Variants in TFRC observed in about 807,000 individuals in gnomAD.
TFRC encodes transferrin receptor.
Under a neutral mutation model 85.8 loss-of-function variants are expected in TFRC, and 35 were observed. The ratio of observed to expected loss-of-function variants is 0.41; its 90% CI spans 0.31 to 0.54. TFRC has a LOEUF of 0.54. Ranked by LOEUF, TFRC falls within the 20% of genes least tolerant of loss-of-function variation. The pLI, the probability that TFRC is intolerant of heterozygous loss-of-function variation, is 0.31. For synonymous variants in TFRC, 362 were observed against 328.6 expected, an observed-to-expected ratio of 1.10 and a Z score of -1.10; for missense variants, 828 against 921.5, an observed-to-expected ratio of 0.90 and a Z score of 1.31.
intron 1 of TFRC, among the ~76,000 whole-genome samples, chr3:196,081,260 T>C (rs1719146734): frequency 6.6e-6 from 1 of 152,304 alleles, no homozygotes; most frequent in South Asian, 2.1e-4. Context: ...ATATTCTTAA[T>C]GTGAACACCT....
chr3:196,071,939 C>T (rs539823525), intron 5 of TFRC, 64 bp downstream of exon 5: 3 of 1,550,812 alleles, frequency 1.9e-6, no homozygotes, highest in Non-Finnish European at 2.6e-6. Context: ...AAAGTCTTTG[C>T]TATATTTAGC....
chr3:196,071,570 T>G, intron 5 of TFRC, 72 bp from the exon 6 acceptor site: 1 of 1,408,080 alleles, frequency 7.1e-7, no homozygotes, highest in Non-Finnish European at 1.0e-6. Context: ...ACATTTAGTA[T>G]GTCTTGCATT....
Position 196,055,248 on chromosome 3 carries a change from A to T in TFRC, c.1731T>A (p.Ile577=), listed in dbSNP as rs774620337. The change falls in exon 17 of 19, where the codon ATT becomes ATA. Residue 577 remains isoleucine, a synonymous_variant. Coordinates refer to ENST00000360110, the MANE Select transcript of TFRC (RefSeq NM_001128148.3). ...CTTTGTTCAACTCAGGAATCCTCTC[A>T]ATCAGTTCCTTATAGGTGTCCATGG... is the stretch of plus-strand genomic sequence containing the variant. The part of the protein sequence containing the change: ...GTTMDTYKEL[I]ERIPELNKVA... The T allele has an allele frequency of 1.9e-6, 3 of 1,614,178 alleles. No homozygotes were observed. The highest frequency in any genetic ancestry group is 2.5e-6 in the Non-Finnish European group (3 of 1,180,020).
chr3:196,073,174 C>T (rs748501857), intron 4 of TFRC, among the ~76,000 whole-genome samples: 13 of 151,264 alleles, frequency 8.6e-5, no homozygotes, highest in South Asian at 4.2e-4. Flanking sequence ...GAGCTGAAAT[C>T]GTGCCACTGC....
chr3:196,069,357 G>T (rs1009564519), intron 7 of TFRC, 98 bp downstream of exon 7: 2 of 748,496 alleles, frequency 2.7e-6, no homozygotes, highest in Non-Finnish European at 2.2e-6. Context: ...TAAGATTGCT[G>T]ATTTTCAGAA....
rs572790943 is a variant in TFRC, at chr3:196,079,470, C to T, written c.-23-2348G>A. Among the ~76,000 whole-genome samples, 15 of 152,132 alleles carry T rather than the reference C, an allele frequency of 9.9e-5. No individual in the cohort carries two copies. The South Asian group carries it at 1.2e-3, about 13-fold the overall frequency. ...TCTACCAAAAAAATACAAAATTAGC[C>T]GGGCATGGTGGCGCATGCCTGTAAT... On this transcript the variant is annotated intron_variant, in intron 1 of 18. Transcript: ENST00000360110.
chr3:196,062,612 T>C lies in TFRC; in HGVS notation c.1438A>G (p.Thr480Ala). The C allele has an allele frequency of 6.2e-7, 1 of 1,609,536 alleles. No individual in the cohort carries two copies. ...YLSSLHLKAF[T>A]YINLDKAVLG... Reference sequence around the variant, plus strand: ...ACCGCTTTATCCAGATTAATATAAGTGAAAGCCTTTAAATGCAGGGACGAA... The same window carrying C: ...ACCGCTTTATCCAGATTAATATAAGCGAAAGCCTTTAAATGCAGGGACGAA... Residue 480 changes from threonine (T) to alanine (A), a missense_variant, in exon 13 of 19, where the codon ACT becomes GCT. Coordinates refer to ENST00000360110, the MANE Select transcript of TFRC (RefSeq NM_001128148.3).
intron 1 of TFRC, among the ~76,000 whole-genome samples, chr3:196,081,039 G>C (rs1217798777): frequency 6.6e-6 from 1 of 152,154 alleles, no homozygotes; most frequent in Non-Finnish European, 1.5e-5. Context: ...GTAAGCAGAG[G>C]GAAAGCGTTA....
intron 7 of TFRC, among the ~76,000 whole-genome samples, 184 bp downstream of exon 7, chr3:196,069,271 C>A (rs1717994540): frequency 6.6e-6 from 1 of 152,118 alleles, no homozygotes; most frequent in African/African-American, 2.4e-5. Flanking sequence ...TTCACTTAAG[C>A]ACTTCTGATT....
Position 196,065,575 on chromosome 3 carries a change from C to G in TFRC, c.1066G>C (p.Asp356His), listed in dbSNP as rs1404858455. 7 of 1,608,580 alleles carry G rather than the reference C, an allele frequency of 4.4e-6. No individual in the cohort carries two copies. The highest frequency in any genetic ancestry group is 5.1e-6 in the Non-Finnish European group (6 of 1,178,728). Residue 356 changes from aspartate to histidine, a missense_variant, in exon 10 of 19, where the codon GAC becomes CAC. Asp to His is a moderately conservative substitution (Grantham distance 81, BLOSUM62 -1). Coordinates refer to ENST00000360110, the MANE Select transcript of TFRC (RefSeq NM_001128148.3). ...FGNMEGDCPS[D>H]WKTDSTCRMV... is the part of the protein sequence containing the mutation. ...CTACATGTAGAGTCTGTTTTCCAGT[C>G]AGAGGGACAGTCTCCTTCCATATTC...
chr3:196,058,220 CA>C, intron 16 of TFRC, 63 bp downstream of exon 16: 1 of 1,398,404 alleles, frequency 7.2e-7, no homozygotes, highest in Non-Finnish European at 1.0e-6. Context: ...GCCCTATTCC[CA>C]AATACAGATC....
intron 16 of TFRC, among the ~76,000 whole-genome samples, chr3:196,057,474 C>T (rs542639731): frequency 6.6e-6 from 1 of 152,240 alleles, no homozygotes; most frequent in South Asian, 2.1e-4. Flanking sequence ...AGCTCCCAGC[C>T]AAATAAAGCC....
chr3:196,055,342 A>C, intron 16 of TFRC, 41 bp from the exon 17 acceptor site: 1 of 1,533,230 alleles, frequency 6.5e-7, no homozygotes, highest in Middle Eastern at 1.7e-4. Flanking sequence ...CGTGAGTTCT[A>C]AGAGCAAGAG....
At chr3:196,054,407 C>CA (rs1160849553) in intron 17 of TFRC, among the ~76,000 whole-genome samples, 12 of 149,500 alleles carry the variant, frequency 8.0e-5, no homozygotes, top group South Asian at 2.1e-4. Context: ...CTTCATCTCT[C>CA]AAAAAAAATA....
chr3:196,069,669 C>T (rs1218536809), intron 6 of TFRC, 101 bp from the exon 7 acceptor site: 16 of 658,790 alleles, frequency 2.4e-5, no homozygotes, highest in South Asian at 5.1e-5. Context: ...GACAGGCAAC[C>T]CAAGTAAGAG....
chr3:196,054,030 A>G (rs1019647494), intron 17 of TFRC, among the ~76,000 whole-genome samples: 1 of 152,188 alleles, frequency 6.6e-6, no homozygotes, highest in African/African-American at 2.4e-5. Flanking sequence ...TGAGGTCAGG[A>G]GTTCAAGACC....
At chr3:196,057,184 C>T (rs1311634435) in intron 16 of TFRC, among the ~76,000 whole-genome samples, 4 of 152,212 alleles carry the variant, frequency 2.6e-5, no homozygotes, top group Non-Finnish European at 1.5e-5. Context: ...AGGTGGACAG[C>T]CCAGCGCTGC....
chr3:196,077,244 G>T, intron 1 of TFRC, 122 bp from the exon 2 acceptor site: 1 of 640,430 alleles, frequency 1.6e-6, no homozygotes, highest in Non-Finnish European at 2.7e-6. Context: ...TCTAGAAAAG[G>T]TATTTAACCA....
At chr3:196,056,601 C>T (rs1716815525) in intron 16 of TFRC, among the ~76,000 whole-genome samples, 1 of 151,880 alleles carries the variant, frequency 6.6e-6, no homozygotes, top group African/African-American at 2.4e-5. Context: ...GGGGTTTAAC[C>T]ATGTTGGCCA....
Sources: allele counts gnomAD v4.1 joint callset (sites outside exome capture counted in the v4.1 genomes callset), GRCh38; gene constraint gnomAD v4.1.1; transcripts MANE v1.5; gene names NCBI Gene and HGNC (gene_info 2026-07-23, HGNC 2026-07-21).